ENTPD6: variants seen among roughly 807,000 people sequenced by gnomAD.
ENTPD6 encodes the protein ectonucleoside triphosphate diphosphohydrolase 6, also known as CD39 antigen-like 2.
In ENTPD6, 46 loss-of-function variants were observed where a neutral mutation model predicts 61.5. That is an observed-to-expected ratio of 0.75 (90% CI 0.59 to 0.96). The LOEUF is 0.96. ENTPD6 is among the 40% of genes least tolerant of loss of function. The pLI is 0.00. For synonymous variants in ENTPD6, 252 were observed against 255.5 expected (o/e 0.99, Z 0.13); for missense variants, 612 against 629.0 (o/e 0.97, Z 0.29).
At chr20:25,212,934 T>C (rs1224486867) in intron 4 of ENTPD6, among the ~76,000 whole-genome samples, 1 of 152,244 alleles carries the variant, frequency 6.6e-6, no homozygotes, top group African/African-American at 2.4e-5. Context: ...CTTGATCTCC[T>C]GACCTTGTGA....
chr20:25,215,085 T>C, intron 6 of ENTPD6, 143 bp downstream of exon 6: 1 of 623,616 alleles, frequency 1.6e-6, no homozygotes, highest in East Asian at 2.7e-5. Context: ...TAAAGAATCA[T>C]GGCTGTTACA....
chr20:25,224,160 G>T lies in ENTPD6; in HGVS notation c.1243+3G>T. On this transcript the variant is annotated splice_donor_region_variant and intron_variant, in intron 13 of 14. Coordinates refer to ENST00000376652, the MANE Select transcript of ENTPD6 (RefSeq NM_001247.5). ...CTTCGAGATCGCAGCCAAGTACGGTGAGTGATGCTGCAGGGGCCATCTCAG... is the reference window on the plus strand; with the variant it reads ...CTTCGAGATCGCAGCCAAGTACGGTTAGTGATGCTGCAGGGGCCATCTCAG... The T allele has an allele frequency of 6.2e-7, 1 of 1,611,710 alleles. No individual in the cohort carries two copies. The highest frequency in any genetic ancestry group is 8.5e-7 in the Non-Finnish European group (1 of 1,178,962).
In ENTPD6 at chr20:25,213,363, T is replaced by TA. The variant is rs1461401170; in HGVS notation, c.555dup (p.Arg186ThrfsTer20). The TA allele has an allele frequency of 1.9e-6, 3 of 1,614,022 alleles. No homozygotes were observed. Among genetic ancestry groups the TA allele is most frequent in the Non-Finnish European group, 2.5e-6 (3 of 1,179,906 alleles). On this transcript the variant is annotated frameshift_variant, in exon 5 of 15. Transcript: ENST00000376652. LOFTEE classifies it high-confidence loss of function. ...CTGGTCCTCAAGGCCACAGCTGGCT[T>TA]ACGCCTGTTACCTGGAGAAAAGGCC...
intron 13 of ENTPD6, 47 bp downstream of exon 13, chr20:25,224,204 G>T: frequency 6.4e-7 from 1 of 1,564,812 alleles, no homozygotes. Flanking sequence ...GGCGCCCCGT[G>T]ATGCTCGTGA....
At chr20:25,204,245 T>C (rs1453912564) in intron 1 of ENTPD6, among the ~76,000 whole-genome samples, 1 of 152,178 alleles carries the variant, frequency 6.6e-6, no homozygotes, top group African/African-American at 2.4e-5. Context: ...AATCTCCCCT[T>C]TATGCCTTGG....
chr20:25,202,559 T>C (rs931276520), intron 1 of ENTPD6, among the ~76,000 whole-genome samples: 4 of 152,214 alleles, frequency 2.6e-5, no homozygotes, highest in Non-Finnish European at 4.4e-5. Flanking sequence ...GACATTTCCA[T>C]TGTGGTTACA....
chr20:25,227,132 C>G lies in ENTPD6; in HGVS notation c.*1535C>G, dbSNP rs570816292. Among the ~76,000 whole-genome samples the G allele has an allele frequency of 6.6e-6, 1 of 152,184 alleles. No individual in the cohort carries two copies. ...CATCCCGAGTGCTTGTGCCTGAAGC[C>G]CCCCCCAACCAACTGTCACAGGAGG... On this transcript the variant is annotated 3_prime_UTR_variant, in exon 15 of 15. Transcript: ENST00000376652.
chr20:25,205,720 T>C (rs2091432545), intron 1 of ENTPD6, among the ~76,000 whole-genome samples: 1 of 152,180 alleles, frequency 6.6e-6, no homozygotes. Flanking sequence ...CCTGCTCCAG[T>C]GTGGGTGGCC....
chr20:25,197,320 C>A, intron 1 of ENTPD6: 1 of 866,728 alleles, frequency 1.2e-6, no homozygotes, highest in Non-Finnish European at 1.4e-6. Flanking sequence ...TCTTCTCTGA[C>A]TCCTGCCTCC....
At chr20:25,205,354 G>A (rs2091384796) in intron 1 of ENTPD6, among the ~76,000 whole-genome samples, 1 of 152,224 alleles carries the variant, frequency 6.6e-6, no homozygotes, top group African/African-American at 2.4e-5. Context: ...TGAAGACACG[G>A]TGCCAGTGTG....
chr20:25,212,104 A>G (rs1187546514), intron 4 of ENTPD6, among the ~76,000 whole-genome samples: 1 of 152,170 alleles, frequency 6.6e-6, no homozygotes, highest in Non-Finnish European at 1.5e-5. Context: ...TCTGGATAGG[A>G]GGAACGTGTT....
At chr20:25,222,554 G>A in intron 11 of ENTPD6, 1 of 369,284 alleles carries the variant, frequency 2.7e-6, no homozygotes, top group Non-Finnish European at 5.0e-6. Flanking sequence ...GGCCACTGGT[G>A]TCAGGCATCA....
At position 25,221,270 on chromosome 20, in the gene ENTPD6, C is replaced by T; in HGVS notation, c.982C>T (p.Pro328Ser). 1 of 1,614,152 alleles carries T rather than the reference C, an allele frequency of 6.2e-7. No individual in the cohort carries two copies. The change falls in exon 11 of 15, where the codon CCC becomes TCC. Residue 328 changes from proline to serine, a missense_variant. By Grantham distance (74) the Pro-to-Ser change is moderately conservative. Coordinates refer to ENST00000376652, the MANE Select transcript of ENTPD6 (RefSeq NM_001247.5). Reference protein sequence around the residue: ...GKELVSPCLSPSFKGEWEHAE... With the variant: ...GKELVSPCLSSSFKGEWEHAE... ...GGAGTTGGTCAGCCCTTGCTTGTCT[C>T]CCAGTTTCAAAGGAGAGTGGGAACA...
chr20:25,217,519 C>T lies in ENTPD6; in HGVS notation c.816C>T (p.Ser272=). 1 of 1,614,158 alleles carries T rather than the reference C, an allele frequency of 6.2e-7. No individual in the cohort carries two copies. The highest frequency in any genetic ancestry group is 8.5e-7 in the Non-Finnish European group (1 of 1,179,996). ...LPRVEGTLQA[S]PPGYLTALRM... ...TTCTCCAGGGCACCCTGCAGGCCTC[C>T]CCACCCGGCTACCTGACGGCACTGC... Residue 272 remains serine (S), a synonymous_variant, in exon 9 of 15, where the codon TCC becomes TCT. Coordinates refer to ENST00000376652, the MANE Select transcript of ENTPD6 (RefSeq NM_001247.5).
chr20:25,195,808 C>A lies in ENTPD6; in HGVS notation c.-75C>A, dbSNP rs1218086050. On this transcript the variant is annotated 5_prime_UTR_variant, in exon 1 of 15. Coordinates refer to ENST00000376652, the MANE Select transcript of ENTPD6 (RefSeq NM_001247.5). ...CGGGGGAGCCCAAAAGACCGGCTGC[C>A]GCCTGCTCCCCGGAAAAGGGCACTC... 7.8e-5 allele frequency: 96 copies of A among 1,237,354 alleles called. No homozygotes were observed. Among genetic ancestry groups the A allele is most frequent in the Non-Finnish European group, 9.3e-5 (92 of 986,088 alleles). 76.6% of individuals were successfully genotyped at this position (1,237,354 alleles called of 1,614,324 possible).
rs371515507 is a variant in ENTPD6 at position 25,215,061 on chromosome 20, G to A, written c.673+119G>A. On this transcript the variant is annotated intron_variant, in intron 6 of 14. Coordinates refer to ENST00000376652, the MANE Select transcript of ENTPD6 (RefSeq NM_001247.5). ...GCCCCATGTGGGAGCCTCCTCCCCC[G>A]TCCGATGCTCAAGTAAAGAATCATG... 3.5e-4 allele frequency: 236 copies of A among 665,044 alleles called. 1 individual carries two copies. Among genetic ancestry groups the A allele is most frequent in the South Asian group, 5.3e-4 (31 of 58,204 alleles). The allele number at this position is 665,044 out of a possible 1,614,324, so 41.2% of individuals were successfully genotyped here.
chr20:25,209,119 T>TA (rs2091755717), intron 3 of ENTPD6, among the ~76,000 whole-genome samples: 3 of 144,790 alleles, frequency 2.1e-5, no homozygotes, highest in South Asian at 4.5e-4. Context: ...TATTTAATTT[T>TA]TTTTTTTTGA....
intron 1 of ENTPD6, among the ~76,000 whole-genome samples, chr20:25,199,853 G>A (rs1600489375): frequency 6.6e-6 from 1 of 152,208 alleles, no homozygotes; most frequent in South Asian, 2.1e-4. Flanking sequence ...TCAAAATTCA[G>A]TTCAGCTCTA....
rs968299907 is a variant in ENTPD6, at chr20:25,225,884, A to G, written c.*287A>G. 2.9e-6 allele frequency: 1 copy of G among 342,420 alleles called. No homozygotes were observed. Among genetic ancestry groups the G allele is most frequent in the East Asian group, 5.3e-5 (1 of 18,972 alleles). 21.2% of individuals were successfully genotyped at this position (342,420 alleles called of 1,614,324 possible). A position where few individuals can be genotyped will look rare whatever the true frequency, so the allele number is the denominator to read the frequency against. ...AACCACAGGCACACACTGAGGGGGCAGTGTGGCTCCCTGCCTGTCCCATCC... is the reference window on the plus strand; with the variant it reads ...AACCACAGGCACACACTGAGGGGGCGGTGTGGCTCCCTGCCTGTCCCATCC... On this transcript the variant is annotated 3_prime_UTR_variant, in exon 15 of 15. Coordinates refer to ENST00000376652, the MANE Select transcript of ENTPD6 (RefSeq NM_001247.5).
Sources: gnomAD v4.1 joint callset for allele counts (sites outside exome capture counted in the v4.1 genomes callset) on GRCh38, gnomAD v4.1.1 for gene constraint, MANE v1.5 for transcripts, NCBI Gene and HGNC (gene_info 2026-07-23, HGNC 2026-07-21) for gene names.